TOP2B: variants seen among roughly 807,000 people sequenced by gnomAD.
The protein encoded by TOP2B is DNA topoisomerase 2-beta.
TOP2B carries 51 observed loss-of-function variants against 193.5 expected under a neutral mutation model. That is an observed-to-expected ratio of 0.26 (90% CI 0.21 to 0.33). The LOEUF is 0.33. Ranked by LOEUF, TOP2B falls within the 10% of genes least tolerant of loss-of-function variation. The pLI is 1.00. For synonymous variants in TOP2B, 634 were observed against 635.7 expected (o/e 1.00, Z 0.04); for missense variants, 1,378 against 1,909.3 (o/e 0.72, Z 5.19).
intron 4 of TOP2B, among the ~76,000 whole-genome samples, chr3:25,639,794 G>T (rs1210570440): frequency 6.6e-6 from 1 of 152,176 alleles, no homozygotes; most frequent in Non-Finnish European, 1.5e-5. Context: ...TTACAACCAT[G>T]ACCTTTTCCT....
Position 25,609,234 on chromosome 3 carries a change from C to T in TOP2B, c.4042G>A (p.Glu1348Lys). ...DESKSESDLE[E>K]TEPVVIPRDS... ...CTTGGAATAACCACAGGTTCTGTTT[C>T]TTCCAAATCACTTTCTGACTTGGAT... is the stretch of plus-strand genomic sequence containing the variant. The change falls in exon 30 of 36, where the codon GAA becomes AAA. Residue 1348 changes from glutamate to lysine, a missense_variant. Glu to Lys is a moderately conservative substitution (Grantham distance 56, BLOSUM62 1). Around this residue, in one of 9 missense-constraint regions of TOP2B, gnomAD observed 556 missense variants for 584.2 expected, o/e 0.95. Coordinates refer to ENST00000264331, the MANE Select transcript of TOP2B (RefSeq NM_001330700.2). 1 of 1,608,318 alleles carries T rather than the reference C, an allele frequency of 6.2e-7. No homozygotes were observed. The highest frequency in any genetic ancestry group is 8.5e-7 in the Non-Finnish European group (1 of 1,176,894).
Position 25,664,350 on chromosome 3 carries a change from C to T in TOP2B, c.-53G>A, listed in dbSNP as rs1339503820. ...GAGGCCGCAGCCGCCGCTCCCGCCTCCCTGCGGGCCGCTGGGCCCCGCCGC... is the reference window on the plus strand; with the variant it reads ...GAGGCCGCAGCCGCCGCTCCCGCCTTCCTGCGGGCCGCTGGGCCCCGCCGC... On this transcript the variant is annotated 5_prime_UTR_variant, in exon 1 of 36. Transcript: ENST00000264331. The T allele has an allele frequency of 1.4e-6, 2 of 1,407,076 alleles. No individual in the cohort carries two copies. The highest frequency in any genetic ancestry group is 3.0e-5 in the African/African-American group (2 of 66,030). The allele number at this position is 1,407,076 out of a possible 1,614,324, so 87.2% of individuals were successfully genotyped here.
intron 18 of TOP2B, 126 bp downstream of exon 18, chr3:25,626,434 A>G (rs1236820870): frequency 2.0e-6 from 1 of 512,012 alleles, no homozygotes; most frequent in Non-Finnish European, 3.3e-6. Context: ...AATTCCTCTG[A>G]ATAAGCTCTT....
chr3:25,649,747 A>G (rs1211173981), intron 1 of TOP2B, among the ~76,000 whole-genome samples: 1 of 152,202 alleles, frequency 6.6e-6, no homozygotes, highest in African/African-American at 2.4e-5. Context: ...CCAACAAGAA[A>G]TGATAAAGGG....
intron 19 of TOP2B, 54 bp downstream of exon 19, chr3:25,624,625 TATC>T: frequency 6.3e-7 from 1 of 1,598,578 alleles, no homozygotes; most frequent in South Asian, 1.1e-5. Flanking sequence ...TATGTGTAAT[TATC>T]ATTCTTCAAG....
chr3:25,603,427 G>C (rs1702157748), intron 33 of TOP2B, among the ~76,000 whole-genome samples: 1 of 152,110 alleles, frequency 6.6e-6, no homozygotes, highest in Non-Finnish European at 1.5e-5. Flanking sequence ...ATTTTTAGTA[G>C]AGATGGGGTT....
At chr3:25,598,844 C>A (rs1215082538) in intron 35 of TOP2B, among the ~76,000 whole-genome samples, 1 of 152,118 alleles carries the variant, frequency 6.6e-6, no homozygotes, top group African/African-American at 2.4e-5. Context: ...AAACAAGACT[C>A]CTGCACCGTG....
In TOP2B at chr3:25,618,647, A is replaced by G. The variant is rs1575568656; in HGVS notation, c.3259+7T>C. The G allele has an allele frequency of 1.3e-6, 2 of 1,598,828 alleles. No homozygotes were observed. The highest frequency in any genetic ancestry group is 1.7e-6 in the Non-Finnish European group (2 of 1,174,606). ...TAATGTTCAAATTTTTAAAGGTTGT[A>G]TCTTACCTATAGTAATTTTCCCTTG... On this transcript the variant is annotated splice_region_variant and intron_variant, in intron 24 of 35. Transcript: ENST00000264331.
At chr3:25,642,975 C>G (rs1259413153) in intron 3 of TOP2B, among the ~76,000 whole-genome samples, 2 of 152,104 alleles carry the variant, frequency 1.3e-5, no homozygotes, top group Non-Finnish European at 2.9e-5. Context: ...CAAACACTTG[C>G]AATAAACTTA....
At chr3:25,632,201 T>C (rs1342632517) in intron 10 of TOP2B, among the ~76,000 whole-genome samples, 1 of 152,018 alleles carries the variant, frequency 6.6e-6, no homozygotes, top group Non-Finnish European at 1.5e-5. Context: ...CAATGGTCAA[T>C]ACAAAGCTAA....
At chr3:25,633,106 C>A (rs937731416) in intron 8 of TOP2B, among the ~76,000 whole-genome samples, 27 of 152,160 alleles carry the variant, frequency 1.8e-4, no homozygotes, top group African/African-American at 6.5e-4. Flanking sequence ...AATTTTGATA[C>A]TAACTACCTG....
In TOP2B at chr3:25,605,629, C is replaced by T. The variant is rs950458834; in HGVS notation, c.4378+414G>A. On this transcript the variant is annotated intron_variant, in intron 32 of 35. Transcript: ENST00000264331. ...ACACTGATTAAATTTGTTCTTATGA[C>T]GGTTTTAATCTCTCAGGTAACAACC... 2.0e-5 allele frequency among the ~76,000 whole-genome samples: 3 copies of T among 152,028 alleles called. 1 individual carries two copies. The highest frequency in any genetic ancestry group is 4.1e-4 in the South Asian group (2 of 4,832).
rs1330040822 is a variant in TOP2B at position 25,623,702 on chromosome 3, A to G, written c.2540T>C (p.Leu847Pro). The G allele has an allele frequency of 6.2e-7, 1 of 1,613,842 alleles. No homozygotes were observed. The highest frequency in any genetic ancestry group is 1.7e-5 in the Admixed American group (1 of 60,000). Residue 847 changes from leucine (L) to proline (P), a missense_variant, in exon 21 of 36, where the codon CTT becomes CCT. Transcript: ENST00000264331. ...LLFPAVDDNL[L>P]KFLYDDNQRV... ...TTGATTATCATCATAAAGGAACTTA[A>G]GGAGGTTGTCATCCACAGCAGGAAA...
chr3:25,605,312 A>G (rs1471297782), intron 32 of TOP2B, among the ~76,000 whole-genome samples: 1 of 152,114 alleles, frequency 6.6e-6, no homozygotes, highest in Admixed American at 6.5e-5. Context: ...AAATTTTTGA[A>G]GACTAATTTA....
In TOP2B at chr3:25,598,491, C is replaced by CAAT; in HGVS notation, c.4711-17_4711-15dup. The stretch of plus-strand genomic sequence containing the variant: ...CTTCTTCGGTTTCTAGATTTTTTTT[C>CAAT]AATAGATTTAAAAGTTATGAAAGGA... On this transcript the variant is annotated splice_polypyrimidine_tract_variant and intron_variant, in intron 35 of 35. Coordinates refer to ENST00000264331, the MANE Select transcript of TOP2B (RefSeq NM_001330700.2). The CAAT allele has an allele frequency of 1.4e-6, 2 of 1,392,750 alleles. No homozygotes were observed. The allele number at this position is 1,392,750 out of a possible 1,614,324, so 86.3% of individuals were successfully genotyped here. A position where few individuals can be genotyped will look rare whatever the true frequency, so the allele number is the denominator to read the frequency against.
At chr3:25,616,836 GTATC>G (rs1702517871) in intron 25 of TOP2B, among the ~76,000 whole-genome samples, 1 of 151,526 alleles carries the variant, frequency 6.6e-6, no homozygotes, top group African/African-American at 2.4e-5. Flanking sequence ...ATGAATATGT[GTATC>G]TATCACCGTT....
intron 33 of TOP2B, among the ~76,000 whole-genome samples, chr3:25,603,144 C>G (rs979151164): frequency 2.6e-5 from 4 of 152,062 alleles, no homozygotes; most frequent in African/African-American, 9.7e-5. Context: ...ATGAAGGAAA[C>G]GGGGTATGTT....
intron 20 of TOP2B, among the ~76,000 whole-genome samples, chr3:25,624,043 C>A (rs1430425429): frequency 6.6e-6 from 1 of 152,092 alleles, no homozygotes. Flanking sequence ...AAGTACATAA[C>A]CCATCTTCAG....
chr3:25,658,154 G>A (rs1477963716), intron 1 of TOP2B, among the ~76,000 whole-genome samples: 2 of 151,640 alleles, frequency 1.3e-5, no homozygotes, highest in East Asian at 1.9e-4. Context: ...CCAAGAACCC[G>A]GGAGGCAGAG....
Sources: allele counts gnomAD v4.1 joint callset (sites outside exome capture counted in the v4.1 genomes callset), GRCh38; gene constraint gnomAD v4.1.1; regional missense constraint gnomAD v4.1.1; transcripts MANE v1.5; gene names NCBI Gene and HGNC (gene_info 2026-07-23, HGNC 2026-07-21).